ATP9A: variants seen among roughly 807,000 people sequenced by gnomAD.
ATP9A encodes ATPase phospholipid transporting 9A.
A neutral mutation model predicts 144.1 loss-of-function variants in ATP9A; 52 were observed. The ratio of observed to expected loss-of-function variants is 0.36; its 90% CI spans 0.29 to 0.45. The LOEUF (loss-of-function observed/expected upper bound fraction) is 0.45, where lower values mean the gene tolerates loss of function less well. Ranked by LOEUF, ATP9A falls within the 20% of genes least tolerant of loss-of-function variation. ATP9A has a pLI of 1.00. For missense variants in ATP9A, 947 were observed against 1,392.7 expected, an observed-to-expected ratio of 0.68 and a Z score of 5.09; for synonymous variants, 582 against 557.4, an observed-to-expected ratio of 1.04 and a Z score of -0.62.
intron 4 of ATP9A, among the ~76,000 whole-genome samples, chr20:51,699,863 G>A (rs2077586272): frequency 6.6e-6 from 1 of 151,832 alleles, no homozygotes; most frequent in Non-Finnish European, 1.5e-5. Flanking sequence ...GGCTTTTCTC[G>A]AACTCCTGAC....
intron 1 of ATP9A, among the ~76,000 whole-genome samples, chr20:51,755,370 G>A: frequency 6.6e-6 from 1 of 152,000 alleles, no homozygotes; most frequent in Admixed American, 6.6e-5. Context: ...AGGAGGCGGA[G>A]GTTGCAGGGA....
chr20:51,690,107 CTCAAAA>C (rs2077540662), intron 8 of ATP9A, among the ~76,000 whole-genome samples: 1 of 45,962 alleles, frequency 2.2e-5, no homozygotes. Flanking sequence ...AGGAGACCGT[CTCAAAA>C]AAAAAAAAAA....
At chr20:51,708,746 C>CAAAT (rs1448702243) in intron 4 of ATP9A, among the ~76,000 whole-genome samples, 16 of 152,062 alleles carry the variant, frequency 1.1e-4, no homozygotes, top group East Asian at 5.8e-4. Context: ...AATAAATAAA[C>CAAAT]AAATAAATAA....
At chr20:51,721,879 G>GA (rs964647576) in intron 3 of ATP9A, among the ~76,000 whole-genome samples, 3 of 151,384 alleles carry the variant, frequency 2.0e-5, no homozygotes, top group African/African-American at 7.3e-5. Flanking sequence ...CCTGCATAGT[G>GA]AAAGCAAGAC....
At chr20:51,634,622 G>A (rs181961450) in intron 15 of ATP9A, among the ~76,000 whole-genome samples, 124 of 152,172 alleles carry the variant, frequency 8.1e-4, no homozygotes, top group East Asian at 6.2e-3. Context: ...TTGGGAGGCC[G>A]AGGTGGGTGG....
At position 51,674,116 on chromosome 20, in the gene ATP9A, G is replaced by A. The variant is rs533907749; in HGVS notation, c.1037+37C>T. The A allele has an allele frequency of 4.0e-4, 642 of 1,600,522 alleles. 1 individual carries two copies. The highest frequency in any genetic ancestry group is 2.0e-3 in the African/African-American group (148 of 74,502). ...TTTGAATGAGTAAAGAGAAGAAGAT[G>A]TCACGGCAGCCAAACTCAAGCTCGT... On this transcript the variant is annotated intron_variant, in intron 11 of 27. Transcript: ENST00000338821.
At chr20:51,688,606 G>GA (rs75323569) in intron 9 of ATP9A, among the ~76,000 whole-genome samples, 16 of 149,972 alleles carry the variant, frequency 1.1e-4, no homozygotes, top group African/African-American at 2.2e-4. Context: ...AAAGAGAAAA[G>GA]AAAAAAAAAG....
At position 51,677,234 on chromosome 20, in the gene ATP9A, C is replaced by G. The variant is rs1279843537; in HGVS notation, c.800-1026G>C. On this transcript the variant is annotated intron_variant, in intron 9 of 27. Transcript: ENST00000338821. ...CAGGCATGAGCCACCTCGCCCAACCCAACAGCCACACTATGAGAACATCAA... is the reference window on the plus strand; with the variant it reads ...CAGGCATGAGCCACCTCGCCCAACCGAACAGCCACACTATGAGAACATCAA... 2.0e-5 allele frequency among the ~76,000 whole-genome samples: 3 copies of G among 152,136 alleles called. No homozygotes were observed. The East Asian group carries it at 5.8e-4, about 29-fold the overall frequency.
chr20:51,658,897 G>GGGGGA (rs2077399810), intron 13 of ATP9A, among the ~76,000 whole-genome samples: 1 of 133,446 alleles, frequency 7.5e-6, no homozygotes, highest in Non-Finnish European at 1.6e-5. Context: ...GCGGGGGGGG[G>GGGGGA]GGGGGGAAGG....
intron 1 of ATP9A, 90 bp downstream of exon 1, chr20:51,768,212 C>A (rs1202008317): frequency 3.6e-6 from 3 of 837,482 alleles, no homozygotes; most frequent in African/African-American, 1.8e-5. Flanking sequence ...GCGCGGCGCG[C>A]GGCCAACCTG....
chr20:51,684,559 G>A (rs1391632236), intron 9 of ATP9A, among the ~76,000 whole-genome samples: 7 of 151,100 alleles, frequency 4.6e-5, no homozygotes, highest in Admixed American at 3.3e-4. Context: ...AGCCAGGCGC[G>A]GTGCCAGGCA....
At chr20:51,645,035 G>T (rs1292799577) in intron 14 of ATP9A, among the ~76,000 whole-genome samples, 1 of 152,210 alleles carries the variant, frequency 6.6e-6, no homozygotes, top group African/African-American at 2.4e-5. Context: ...CATGTTAGTG[G>T]AAACGTTGAA....
At chr20:51,653,130 C>A (rs2077373939) in intron 14 of ATP9A, among the ~76,000 whole-genome samples, 1 of 149,286 alleles carries the variant, frequency 6.7e-6, no homozygotes. Flanking sequence ...ACAACCACAG[C>A]AAAAAGGTAA....
chr20:51,685,538 G>C (rs1438984754), intron 9 of ATP9A, among the ~76,000 whole-genome samples: 1 of 151,474 alleles, frequency 6.6e-6, no homozygotes, highest in Admixed American at 6.6e-5. Context: ...ACTCCAGCCT[G>C]GGAAACAAGA....
At chr20:51,683,099 A>AT (rs1009769639) in intron 9 of ATP9A, among the ~76,000 whole-genome samples, 9 of 151,678 alleles carry the variant, frequency 5.9e-5, no homozygotes, top group African/African-American at 1.9e-4. Flanking sequence ...CTCAAAAAAA[A>AT]AATAATAATA....
intron 15 of ATP9A, among the ~76,000 whole-genome samples, chr20:51,637,819 G>C (rs2077299247): frequency 6.6e-6 from 1 of 150,778 alleles, no homozygotes; most frequent in South Asian, 2.1e-4. Flanking sequence ...AGTATACACT[G>C]AACCCAACTT....
chr20:51,612,179 C>A (rs949074238), intron 23 of ATP9A, among the ~76,000 whole-genome samples: 2 of 152,070 alleles, frequency 1.3e-5, no homozygotes, highest in African/African-American at 4.8e-5. Flanking sequence ...GTGGGAAGAC[C>A]GAGGCCTAGA....
intron 19 of ATP9A, among the ~76,000 whole-genome samples, chr20:51,620,886 G>A (rs1489612918): frequency 2.0e-5 from 3 of 152,004 alleles, no homozygotes; most frequent in African/African-American, 4.8e-5. Context: ...GGTGGCTCAC[G>A]CCTGTAATCC....
chr20:51,688,736 C>T lies in ATP9A; in HGVS notation c.799+328G>A, dbSNP rs994198135. ...GTGCTGGCAGTCCCAGCGCGACATA[C>T]CCTACAAACACAGCCTCCAGCCAGA... On this transcript the variant is annotated intron_variant, in intron 9 of 27. Transcript: ENST00000338821. Among the ~76,000 whole-genome samples, 31 of 152,254 alleles carry T rather than the reference C, an allele frequency of 2.0e-4. No homozygotes were observed. The South Asian group carries it at 3.3e-3, about 16-fold the overall frequency.
Sources: gnomAD v4.1 joint callset for allele counts (sites outside exome capture counted in the v4.1 genomes callset) on GRCh38, gnomAD v4.1.1 for gene constraint, MANE v1.5 for transcripts, NCBI Gene and HGNC (gene_info 2026-07-23, HGNC 2026-07-21) for gene names.